LYRM4: variants seen among roughly 807,000 people sequenced by gnomAD.
LYRM4 encodes LYR motif-containing protein 4.
A neutral mutation model predicts 11.7 loss-of-function variants in LYRM4; 9 were observed. The ratio of observed to expected loss-of-function variants is 0.77; its 90% confidence interval spans 0.46 to 1.34. The LOEUF is 1.34. Among genes scored for constraint, LYRM4 ranks in the 40% most tolerant of loss-of-function variants. The probability of loss-of-function intolerance (pLI) is 0.00; values close to 1 mark genes in which losing one functional copy is unlikely to be tolerated. For synonymous variants in LYRM4, 42 were observed against 40.4 expected (o/e 1.04, Z -0.15); for missense variants, 133 against 112.5 (o/e 1.18, Z -0.82).
intron 2 of LYRM4, among the ~76,000 whole-genome samples, chr6:5,133,369 C>G (rs984543771): frequency 6.6e-6 from 1 of 152,204 alleles, no homozygotes; most frequent in Non-Finnish European, 1.5e-5. Flanking sequence ...ACATAGTTAT[C>G]CTTTAGAATA....
intron 1 of LYRM4, among the ~76,000 whole-genome samples, chr6:5,239,248 A>C (rs1763725073): frequency 6.6e-6 from 1 of 152,198 alleles, no homozygotes; most frequent in Admixed American, 6.5e-5. Flanking sequence ...CGGTAAAGTA[A>C]GGGGAGAAAG....
intron 2 of LYRM4, among the ~76,000 whole-genome samples, chr6:5,135,609 T>G (rs1757052665): frequency 6.6e-6 from 1 of 151,954 alleles, no homozygotes; most frequent in Admixed American, 6.5e-5. Context: ...CTAGGTGGTG[T>G]TCATTTCCTC....
intron 2 of LYRM4, among the ~76,000 whole-genome samples, chr6:5,164,305 G>C (rs1022837999): frequency 7.9e-5 from 12 of 152,026 alleles, no homozygotes; most frequent in African/African-American, 2.9e-4. Context: ...CCCAAAACTG[G>C]AAACCCCCCA....
intron 1 of LYRM4, among the ~76,000 whole-genome samples, chr6:5,225,418 C>T (rs1762828352): frequency 6.6e-6 from 1 of 152,140 alleles, no homozygotes; most frequent in Non-Finnish European, 1.5e-5. Flanking sequence ...ACATTAGGTT[C>T]ATATTAAAAT....
chr6:5,066,985 C>T, the LYRM4 span: 9 of 908,578 alleles, frequency 9.9e-6, no homozygotes, highest in Middle Eastern at 2.7e-4. Context: ...ATCCACATGT[C>T]TTTGTCTCTC....
chr6:5,046,627 CCATATGCTTAGTTTG>C, the LYRM4 span, among the ~76,000 whole-genome samples: 1 of 152,166 alleles, frequency 6.6e-6, no homozygotes, highest in Non-Finnish European at 1.5e-5. Context: ...CACAGGCTCC[CCATATGCTTAGTTTG>C]AGCTTGGTGA....
At chr6:5,181,066 G>A (rs1239837101) in intron 2 of LYRM4, among the ~76,000 whole-genome samples, 3 of 152,030 alleles carry the variant, frequency 2.0e-5, no homozygotes, top group African/African-American at 7.2e-5. Flanking sequence ...AAAGGATCAC[G>A]CCCATTTAAG....
the LYRM4 span, among the ~76,000 whole-genome samples, chr6:5,052,864 TGAG>T: frequency 6.6e-6 from 1 of 152,228 alleles, no homozygotes. Context: ...ACTTCACTTT[TGAG>T]GAGGAGCATG....
downstream of LYRM4, chr6:5,106,971 A>G (rs982832069): frequency 1.3e-5 from 2 of 152,258 alleles, no homozygotes; most frequent in African/African-American, 4.8e-5. Flanking sequence ...CCCCATGGGA[A>G]TGCCACTTTA....
At chr6:5,123,952 C>T (rs1763585396) in intron 2 of LYRM4, among the ~76,000 whole-genome samples, 1 of 152,228 alleles carries the variant, frequency 6.6e-6, no homozygotes, top group African/African-American at 2.4e-5. Flanking sequence ...ATGGGAGCCT[C>T]AGATGACACT....
At chr6:5,086,084 T>C in the LYRM4 span, 1 of 1,466,990 alleles carries the variant, frequency 6.8e-7, no homozygotes. Context: ...CTCCGGCCGC[T>C]CTTCCAGCTC....
intron 2 of LYRM4, among the ~76,000 whole-genome samples, chr6:5,206,634 T>C (rs1761714387): frequency 6.6e-6 from 1 of 152,146 alleles, no homozygotes; most frequent in African/African-American, 2.4e-5. Flanking sequence ...GTGACAGACT[T>C]TGAAGGGGAA....
At chr6:5,253,109 T>C (rs977689833) in intron 1 of LYRM4, among the ~76,000 whole-genome samples, 1 of 152,228 alleles carries the variant, frequency 6.6e-6, no homozygotes, top group African/African-American at 2.4e-5. Context: ...GATCTGAAGC[T>C]CTTTGCACAA....
intron 2 of LYRM4, among the ~76,000 whole-genome samples, chr6:5,113,694 C>T (rs1401491036): frequency 1.3e-5 from 2 of 151,930 alleles, no homozygotes; most frequent in African/African-American, 4.8e-5. Flanking sequence ...TGCTGCTCCT[C>T]TACCAGGTCC....
chr6:5,141,942 A>G (rs1389752231), intron 2 of LYRM4, among the ~76,000 whole-genome samples: 2 of 152,110 alleles, frequency 1.3e-5, no homozygotes, highest in African/African-American at 4.8e-5. Flanking sequence ...CTGACCCACA[A>G]ACGCACCTAT....
Position 5,186,706 on chromosome 6 carries a change from G to A in LYRM4, c.207+29912C>T, listed in dbSNP as rs79948531. The A allele has an allele frequency of 2.3e-3, 2,286 of 988,840 alleles. 32 individuals carry two copies. The African/African-American group carries it at 0.034, about 15-fold the overall frequency. The allele number at this position is 988,840 out of a possible 1,614,324, so 61.3% of individuals were successfully genotyped here. On this transcript the variant is annotated intron_variant, in intron 2 of 2. Transcript: ENST00000330636. ...TACATAAAAATTATAATTGTCTGCC[G>A]GGCACAGTGGTTCACACCTGTAATC...
At chr6:5,132,665 A>G (rs1764010310) in intron 2 of LYRM4, 1 of 152,208 alleles carries the variant, frequency 6.6e-6, no homozygotes, top group Non-Finnish European at 1.5e-5. Flanking sequence ...AGTAATGCTG[A>G]GCAAAGAAAA....
chr6:5,095,791 C>A, the LYRM4 span, among the ~76,000 whole-genome samples: 2 of 152,066 alleles, frequency 1.3e-5, no homozygotes, highest in African/African-American at 4.8e-5. Context: ...GCCAGCCTGG[C>A]CAACATGGTG....
intron 2 of LYRM4, among the ~76,000 whole-genome samples, chr6:5,202,192 A>C (rs1761429407): frequency 1.3e-5 from 2 of 152,272 alleles, no homozygotes; most frequent in African/African-American, 4.8e-5. Context: ...GTGCCCTGAC[A>C]AGAACATTAC....
Sources: allele counts gnomAD v4.1 joint callset (sites outside exome capture counted in the v4.1 genomes callset), GRCh38; gene constraint gnomAD v4.1.1; transcripts MANE v1.5; gene names NCBI Gene and HGNC (gene_info 2026-07-23, HGNC 2026-07-21).